EXOSC3: variants seen among roughly 807,000 people sequenced by gnomAD.
The protein encoded by EXOSC3 is exosome complex component RRP40.
A neutral mutation model predicts 25.1 loss-of-function variants in EXOSC3; 18 were observed. The ratio of observed to expected loss-of-function variants is 0.72; its 90% CI spans 0.50 to 1.06. The LOEUF (loss-of-function observed/expected upper bound fraction) is 1.06. Among genes scored for constraint, EXOSC3 ranks in the 50% least tolerant of loss-of-function variants. The probability of loss-of-function intolerance (pLI) is 0.00; values close to 1 mark genes in which losing one functional copy is unlikely to be tolerated. For synonymous variants in EXOSC3, 165 were observed against 132.2 expected (o/e 1.25, Z -1.70); for missense variants, 382 against 350.9 (o/e 1.09, Z -0.71).
At position 37,782,129 on chromosome 9, in the gene EXOSC3, A is replaced by C. The variant is rs1457432634; in HGVS notation, c.483T>G (p.Asp161Glu). 6.2e-7 allele frequency: 1 copy of C among 1,613,830 alleles called. No homozygotes were observed. The highest frequency in any genetic ancestry group is 8.5e-7 in the Non-Finnish European group (1 of 1,179,844). Reference protein sequence around the residue: ...KRNRPNVQVGDLIYGQFVVAN... With the variant: ...KRNRPNVQVGELIYGQFVVAN... ...CAACCACAAACTGGCCATAGATGAGATCTCCAACCTACAATGATATTAAAA... is the reference window on the plus strand; with the variant it reads ...CAACCACAAACTGGCCATAGATGAGCTCTCCAACCTACAATGATATTAAAA... The change falls in exon 3 of 4, where the codon GAT becomes GAG. Residue 161 changes from aspartate to glutamate, a missense_variant. Coordinates refer to ENST00000327304, the MANE Select transcript of EXOSC3 (RefSeq NM_016042.4).
chr9:37,781,835 A>C, intron 3 of EXOSC3, 151 bp downstream of exon 3: 1 of 806,886 alleles, frequency 1.2e-6, no homozygotes, highest in Non-Finnish European at 1.9e-6. Context: ...GATTAAATTC[A>C]TGAGTTTCCA....
At position 37,780,839 on chromosome 9, in the gene EXOSC3, T is replaced by A. The variant is rs1828577207; in HGVS notation, c.668A>T (p.Lys223Ile). ...AAATACTATCTCCAGTGGATAGAGTTTTCCCACTTCCTGTATGATTTCACA... is the reference window on the plus strand; with the variant it reads ...AAATACTATCTCCAGTGGATAGAGTATTCCCACTTCCTGTATGATTTCACA... ...PDCEIIQEVG[K>I]LYPLEIVFGM... The change falls in exon 4 of 4, where the codon AAA (lysine) becomes ATA (isoleucine). Residue 223 changes from lysine to isoleucine, a missense_variant. By Grantham distance (102) the Lys-to-Ile change is moderately radical. Transcript: ENST00000327304. The A allele has an allele frequency of 1.2e-6, 2 of 1,613,656 alleles. No homozygotes were observed. Among genetic ancestry groups the A allele is most frequent in the Non-Finnish European group, 1.7e-6 (2 of 1,179,798 alleles).
At position 37,783,958 on chromosome 9, in the gene EXOSC3, A is replaced by G. The variant is rs138085418; in HGVS notation, c.430T>C (p.Leu144=). 4.4e-4 allele frequency: 706 copies of G among 1,613,462 alleles called. No individual in the cohort carries two copies. The highest frequency in any genetic ancestry group is 5.4e-4 in the Non-Finnish European group (637 of 1,179,974). The change falls in exon 2 of 4, where the codon TTG becomes CTG. Residue 144 remains leucine (L), a synonymous_variant. Coordinates refer to ENST00000327304, the MANE Select transcript of EXOSC3 (RefSeq NM_016042.4). ...CTTTTAGTTGCACCTTCAAATGACA[A>G]GTAAGACAAAGAAGCTGGCTCACTC... ...GGSEPASLSY[L]SFEGATKRNR...
rs2118974595 is a variant in EXOSC3 at position 37,780,363 on chromosome 9, TATAATCACAAA to T, written c.*305_*315del. ...TCCTCTGGTGAACCTGGCTTACTGT[TATAATCACAAA>T]ATTATTTTACTGCTGACCTCCAGTT... is the stretch of plus-strand genomic sequence containing the variant. On this transcript the variant is annotated 3_prime_UTR_variant, in exon 4 of 4. Transcript: ENST00000327304. 3.5e-6 allele frequency: 1 copy of T among 289,718 alleles called. No homozygotes were observed. The highest frequency in any genetic ancestry group is 8.8e-5 in the East Asian group (1 of 11,424). 17.9% of individuals were successfully genotyped at this position (289,718 alleles called of 1,614,324 possible).
intron 3 of EXOSC3, among the ~76,000 whole-genome samples, chr9:37,781,506 C>T (rs1320840628): frequency 1.3e-5 from 2 of 151,626 alleles, no homozygotes; most frequent in African/African-American, 4.9e-5. Context: ...TCAGCATGAA[C>T]CTCAGTATGC....
chr9:37,780,770 T>C lies in EXOSC3; in HGVS notation c.737A>G (p.Gln246Arg). The stretch of plus-strand genomic sequence containing the variant: ...TAAAATGTTTGCCAAAATTAAAGTC[T>C]GCTGGATGGTTTTTGCCTTAACCCA... ...RIWVKAKTIQ[Q>R]TLILANILEA... The change falls in exon 4 of 4, where the codon CAG (glutamine) becomes CGG (arginine). Residue 246 changes from glutamine to arginine, a missense_variant. Gln to Arg is a conservative substitution (Grantham distance 43). Transcript: ENST00000327304. The C allele has an allele frequency of 6.2e-7, 1 of 1,614,082 alleles. No homozygotes were observed. Among genetic ancestry groups the C allele is most frequent in the Non-Finnish European group, 8.5e-7 (1 of 1,179,954 alleles).
upstream of EXOSC3, chr9:37,785,090 C>T: frequency 6.5e-7 from 1 of 1,539,324 alleles, no homozygotes; most frequent in Admixed American, 1.8e-5. Flanking sequence ...CTTCCGCTTC[C>T]GCTCCGCTTC....
intron 2 of EXOSC3, among the ~76,000 whole-genome samples, chr9:37,783,355 T>G (rs898508053): frequency 6.6e-6 from 1 of 152,042 alleles, no homozygotes; most frequent in African/African-American, 2.4e-5. Flanking sequence ...CAGAATCAAA[T>G]AGGATCAAAA....
Position 37,783,959 on chromosome 9 carries a change from G to A in EXOSC3, c.429C>T (p.Tyr143=), listed in dbSNP as rs781685540. 6 of 1,613,546 alleles carry A rather than the reference G, an allele frequency of 3.7e-6. No individual in the cohort carries two copies. The highest frequency in any genetic ancestry group is 2.2e-5 in the East Asian group (1 of 44,864). ...TTTTAGTTGCACCTTCAAATGACAA[G>A]TAAGACAAAGAAGCTGGCTCACTCC... ...VGGSEPASLS[Y]LSFEGATKRN... Residue 143 remains tyrosine, a synonymous_variant, in exon 2 of 4, where the codon TAC becomes TAT. Coordinates refer to ENST00000327304, the MANE Select transcript of EXOSC3 (RefSeq NM_016042.4).
Position 37,780,774 on chromosome 9 carries a change from G to A in EXOSC3, c.733C>T (p.Gln245Ter). 3 of 1,613,924 alleles carry A rather than the reference G, an allele frequency of 1.9e-6. No individual in the cohort carries two copies. The highest frequency in any genetic ancestry group is 2.5e-6 in the Non-Finnish European group (3 of 1,179,904). ...GRIWVKAKTIQQTLILANILE... is the reference protein window; with the variant it reads ...GRIWVKAKTI ...ATGTTTGCCAAAATTAAAGTCTGCTGGATGGTTTTTGCCTTAACCCATATT... is the reference window on the plus strand; with the variant it reads ...ATGTTTGCCAAAATTAAAGTCTGCTAGATGGTTTTTGCCTTAACCCATATT... Residue 245 changes from glutamine to a stop codon, truncating the protein, a stop_gained, in exon 4 of 4, where the codon CAG (glutamine) becomes TAG (stop). Coordinates refer to ENST00000327304, the MANE Select transcript of EXOSC3 (RefSeq NM_016042.4). LOFTEE classifies it high-confidence loss of function.
At chr9:37,784,093 C>A (rs780777501) in intron 1 of EXOSC3, 30 bp from the exon 2 acceptor site, 6 of 1,592,874 alleles carry the variant, frequency 3.8e-6, no homozygotes, top group South Asian at 2.3e-5. Context: ...GAAAAAACAG[C>A]CATAAATGAC....
Position 37,785,052 on chromosome 9 carries a change from T to C in EXOSC3, c.-8A>G. On this transcript the variant is annotated 5_prime_UTR_variant, in exon 1 of 4. Transcript: ENST00000327304. ...AGACGCAGGTTCGGCCATCGCGGGC[T>C]CCACCAAACACCGTTTCCGGTACCC... is the stretch of plus-strand genomic sequence containing the variant. The C allele has an allele frequency of 4.4e-6, 7 of 1,591,362 alleles. No homozygotes were observed. Among genetic ancestry groups the C allele is most frequent in the Non-Finnish European group, 6.0e-6 (7 of 1,168,124 alleles).
chr9:37,780,933 C>T (rs1828581579), intron 3 of EXOSC3, 53 bp from the exon 4 acceptor site: 12 of 1,476,386 alleles, frequency 8.1e-6, no homozygotes, highest in Middle Eastern at 1.7e-4. Context: ...AAGGTGTGTC[C>T]GGAGTCTCCT....
chr9:37,781,594 C>T (rs1399642136), intron 3 of EXOSC3, among the ~76,000 whole-genome samples: 1 of 151,974 alleles, frequency 6.6e-6, no homozygotes, highest in Non-Finnish European at 1.5e-5. Context: ...CTGCGTGTGA[C>T]CCCCATAATT....
chr9:37,782,071 T>G lies in EXOSC3; in HGVS notation c.541A>C (p.Ile181Leu). 1 of 1,614,126 alleles carries G rather than the reference T, an allele frequency of 6.2e-7. No homozygotes were observed. The highest frequency in any genetic ancestry group is 8.5e-7 in the Non-Finnish European group (1 of 1,179,982). Reference protein sequence around the residue: ...NKDMEPEMVCIDSCGRANGMG... With the variant: ...NKDMEPEMVCLDSCGRANGMG... ...CCATTGGCTCGTCCACAGCTGTCAA[T>G]ACAGACCATCTCTGGTTCCATGTCT... Residue 181 changes from isoleucine to leucine, a missense_variant, in exon 3 of 4, where the codon ATT becomes CTT. Transcript: ENST00000327304.
rs913743385 is a variant in EXOSC3 at position 37,784,484 on chromosome 9, T to G, written c.324+237A>C. On this transcript the variant is annotated intron_variant, in intron 1 of 3. Coordinates refer to ENST00000327304, the MANE Select transcript of EXOSC3 (RefSeq NM_016042.4). ...AGGCCTGCTGTGGGGTTTTGAAGAC[T>G]ATAATCATGACTCACGGTCTCCAAA... 8.5e-6 allele frequency: 5 copies of G among 585,552 alleles called. No homozygotes were observed. In the African/African-American group the frequency reaches 9.3e-5, roughly 11 times the overall value. 36.3% of individuals were successfully genotyped at this position (585,552 alleles called of 1,614,324 possible).
In EXOSC3 at chr9:37,780,787, C is replaced by CTTAACCCATAT; in HGVS notation, c.709_719dup (p.Ala241TyrfsTer12). ...TTAAAGTCTGCTGGATGGTTTTTGCCTTAACCCATATTCTTCCATTCATTC... is the reference window on the plus strand; with the variant it reads ...TTAAAGTCTGCTGGATGGTTTTTGCCTTAACCCATATTTAACCCATATTCTTCCATTCATTC... On this transcript the variant is annotated frameshift_variant, in exon 4 of 4. Coordinates refer to ENST00000327304, the MANE Select transcript of EXOSC3 (RefSeq NM_016042.4). LOFTEE classifies it high-confidence loss of function. 1.2e-6 allele frequency: 2 copies of CTTAACCCATAT among 1,613,892 alleles called. No individual in the cohort carries two copies. The highest frequency in any genetic ancestry group is 1.7e-6 in the Non-Finnish European group (2 of 1,179,936).
At chr9:37,784,474 T>A (rs960917852) in intron 1 of EXOSC3, 5 of 564,038 alleles carry the variant, frequency 8.9e-6, no homozygotes, top group Non-Finnish European at 1.2e-5. Flanking sequence ...TGCTGTGGGG[T>A]TTTGAAGACT....
chr9:37,782,548 G>C (rs555232386), intron 2 of EXOSC3, among the ~76,000 whole-genome samples: 5 of 152,354 alleles, frequency 3.3e-5, no homozygotes, highest in East Asian at 1.9e-4. Flanking sequence ...CATCACTGTA[G>C]AAAGTTATAT....
Sources: gnomAD v4.1 joint callset for allele counts (sites outside exome capture counted in the v4.1 genomes callset) on GRCh38, gnomAD v4.1.1 for gene constraint, MANE v1.5 for transcripts, NCBI Gene and HGNC (gene_info 2026-07-23, HGNC 2026-07-21) for gene names.